Variants in VPS13B observed in about 807,000 individuals in gnomAD.
VPS13B encodes the protein intermembrane lipid transfer protein VPS13B.
A neutral mutation model predicts 426.4 loss-of-function variants in VPS13B; 285 were observed. The ratio of observed to expected loss-of-function variants is 0.67; its 90% CI spans 0.61 to 0.74. The LOEUF (loss-of-function observed/expected upper bound fraction) is 0.74. Ranked by LOEUF, VPS13B falls within the 30% of genes least tolerant of loss-of-function variation. VPS13B has a pLI of 0.00. For synonymous variants in VPS13B, 1,676 were observed against 1,676.4 expected, an observed-to-expected ratio of 1.00 and a Z score of 0.01; for missense variants, 4,537 against 4,782.6, an observed-to-expected ratio of 0.95 and a Z score of 1.51.
chr8:99,414,364 CTG>C (rs1449830099), intron 21 of VPS13B, among the ~76,000 whole-genome samples: 1 of 151,818 alleles, frequency 6.6e-6, no homozygotes, highest in African/African-American at 2.4e-5. Flanking sequence ...GGTCTTGACT[CTG>C]TATCCCATTT....
At chr8:99,748,433 C>T (rs1810206254) in intron 39 of VPS13B, among the ~76,000 whole-genome samples, 1 of 151,998 alleles carries the variant, frequency 6.6e-6, no homozygotes, top group Non-Finnish European at 1.5e-5. Flanking sequence ...AACCTAAAAA[C>T]AACTAAATGA....
At chr8:99,817,505 A>C in intron 44 of VPS13B, 35 bp from the exon 45 acceptor site, 1 of 1,612,234 alleles carries the variant, frequency 6.2e-7, no homozygotes, top group Non-Finnish European at 8.5e-7. Context: ...TGAAGTCTGA[A>C]TTGATGAAGC....
chr8:99,692,957 C>A (rs367931104), intron 35 of VPS13B, among the ~76,000 whole-genome samples: 3 of 149,432 alleles, frequency 2.0e-5, no homozygotes, highest in South Asian at 2.1e-4. Flanking sequence ...GAAATGGATA[C>A]ATTCCTTGAC....
rs1725970564 is a variant in VPS13B at position 99,058,236 on chromosome 8, A to G, written c.291+19670A>G. Among the ~76,000 whole-genome samples, 3 of 152,086 alleles carry G rather than the reference A, an allele frequency of 2.0e-5. No homozygotes were observed. In the South Asian group the frequency reaches 6.2e-4, roughly 31 times the overall value. On this transcript the variant is annotated intron_variant, in intron 3 of 61. Coordinates refer to ENST00000357162, the MANE Select transcript of VPS13B (RefSeq NM_152564.5). ...TGGAACAGACTGACGGCAGAAGCAA[A>G]TATGAGAATGTAGCTGTCTTCTCTT...
chr8:99,678,534 A>T (rs1357973090), intron 35 of VPS13B, among the ~76,000 whole-genome samples: 3 of 150,174 alleles, frequency 2.0e-5, no homozygotes, highest in Non-Finnish European at 4.4e-5. Context: ...TGTATTTCTT[A>T]CATATAAATT....
intron 3 of VPS13B, among the ~76,000 whole-genome samples, chr8:99,046,401 A>C (rs1843242519): frequency 6.6e-6 from 1 of 152,050 alleles, no homozygotes; most frequent in Non-Finnish European, 1.5e-5. Context: ...TTGTATCCAT[A>C]AACTTTGTTG....
intron 3 of VPS13B, among the ~76,000 whole-genome samples, chr8:99,081,646 G>A (rs1008751045): frequency 7.4e-6 from 1 of 135,704 alleles, no homozygotes; most frequent in African/African-American, 3.0e-5. Context: ...GGTGTGTGAT[G>A]TTCCGCGTCG....
At chr8:99,356,950 G>A (rs1422852578) in intron 19 of VPS13B, among the ~76,000 whole-genome samples, 1 of 150,988 alleles carries the variant, frequency 6.6e-6, no homozygotes, top group Non-Finnish European at 1.5e-5. Flanking sequence ...CTATTTTTTT[G>A]CTTTCTGAAA....
intron 19 of VPS13B, among the ~76,000 whole-genome samples, chr8:99,327,354 G>A (rs750228921): frequency 1.3e-5 from 2 of 152,144 alleles, no homozygotes; most frequent in South Asian, 4.1e-4. Flanking sequence ...TTACATTAAT[G>A]TAGTATTTAG....
intron 21 of VPS13B, among the ~76,000 whole-genome samples, chr8:99,411,167 T>G (rs1342038109): frequency 6.6e-6 from 1 of 152,212 alleles, no homozygotes; most frequent in African/African-American, 2.4e-5. Context: ...TGAACTAATT[T>G]GCACTCCCAT....
intron 57 of VPS13B, 32 bp downstream of exon 57, chr8:99,859,512 T>G (rs1263764809): frequency 1.2e-6 from 2 of 1,605,860 alleles, no homozygotes; most frequent in South Asian, 1.1e-5. Context: ...AATAATGCCT[T>G]CACTCCTTCC....
chr8:99,461,385 T>G (rs1818825547), intron 23 of VPS13B, among the ~76,000 whole-genome samples: 1 of 152,194 alleles, frequency 6.6e-6, no homozygotes, highest in African/African-American at 2.4e-5. Flanking sequence ...TGAAATGAAG[T>G]TCAGCTTTGA....
intron 51 of VPS13B, among the ~76,000 whole-genome samples, chr8:99,828,765 C>G (rs1814877499): frequency 6.6e-6 from 1 of 152,022 alleles, no homozygotes; most frequent in Non-Finnish European, 1.5e-5. Flanking sequence ...TTAGTGCTTC[C>G]TTTCAAGAGC....
At chr8:99,624,362 G>A (rs1378598131) in intron 33 of VPS13B, among the ~76,000 whole-genome samples, 1 of 152,122 alleles carries the variant, frequency 6.6e-6, no homozygotes, top group Non-Finnish European at 1.5e-5. Context: ...GATTTAGACT[G>A]AGCTTGTGGC....
At chr8:99,522,271 T>C (rs1290004636) in intron 30 of VPS13B, among the ~76,000 whole-genome samples, 1 of 152,182 alleles carries the variant, frequency 6.6e-6, no homozygotes, top group Non-Finnish European at 1.5e-5. Flanking sequence ...CTTTTCTACT[T>C]CAGAAGTAAG....
At chr8:99,014,526 G>T (rs1841510908) in intron 2 of VPS13B, among the ~76,000 whole-genome samples, 1 of 151,684 alleles carries the variant, frequency 6.6e-6, no homozygotes, top group Admixed American at 6.6e-5. Flanking sequence ...AGAATTGTTC[G>T]GTCTACTTAC....
At chr8:99,579,801 A>T (rs1414086913) in intron 33 of VPS13B, among the ~76,000 whole-genome samples, 2 of 151,028 alleles carry the variant, frequency 1.3e-5, no homozygotes, top group African/African-American at 4.9e-5. Flanking sequence ...GGGTTCAAGC[A>T]ATTCTCCTGC....
At chr8:99,369,691 C>T (rs1813076530) in intron 19 of VPS13B, among the ~76,000 whole-genome samples, 1 of 152,164 alleles carries the variant, frequency 6.6e-6, no homozygotes, top group Admixed American at 6.5e-5. Context: ...AATATATACT[C>T]GTTGGGGATA....
chr8:99,675,140 C>T (rs558652151), intron 35 of VPS13B, among the ~76,000 whole-genome samples: 40 of 152,010 alleles, frequency 2.6e-4, no homozygotes, highest in African/African-American at 9.4e-4. Context: ...TTAACTCCCT[C>T]AGCTTTTGTT....
Sources: allele counts gnomAD v4.1 joint callset (sites outside exome capture counted in the v4.1 genomes callset), GRCh38; gene constraint gnomAD v4.1.1; transcripts MANE v1.5; gene names NCBI Gene and HGNC (gene_info 2026-07-23, HGNC 2026-07-21).